ROCK1: variants seen among roughly 807,000 people sequenced by gnomAD.
The protein encoded by ROCK1 is Rho associated coiled-coil containing protein kinase 1, also known as rho-associated protein kinase 1.
Under a neutral mutation model 196.8 loss-of-function variants are expected in ROCK1, and 36 were observed. That is an observed-to-expected ratio of 0.18 (90% confidence interval 0.14 to 0.24). The LOEUF is 0.24. Among genes scored for constraint, ROCK1 ranks in the 10% least tolerant of loss-of-function variants. The pLI is 1.00. For missense variants in ROCK1, 920 were observed against 1,562.0 expected (o/e 0.59, Z 6.93); for synonymous variants, 443 against 515.9 (o/e 0.86, Z 1.91).
chr18:21,044,513 T>TA (rs1276736248), intron 5 of ROCK1, among the ~76,000 whole-genome samples: 3 of 151,938 alleles, frequency 2.0e-5, no homozygotes, highest in Admixed American at 2.0e-4. Flanking sequence ...GGTAAGTACA[T>TA]AAAAAAACCC....
chr18:21,072,846 G>A (rs554843013), intron 1 of ROCK1, among the ~76,000 whole-genome samples: 62 of 152,100 alleles, frequency 4.1e-4, no homozygotes, highest in African/African-American at 1.4e-3. Flanking sequence ...CGAGGCAGGC[G>A]TACTGCCTGA....
chr18:21,023,894 C>T (rs2035935419), intron 10 of ROCK1, among the ~76,000 whole-genome samples: 1 of 152,020 alleles, frequency 6.6e-6, no homozygotes, highest in South Asian at 2.1e-4. Flanking sequence ...ATAGTAGCAG[C>T]CTGTAAACAT....
chr18:21,083,714 A>T lies in ROCK1; in HGVS notation c.94-13101T>A, dbSNP rs575714434. On this transcript the variant is annotated intron_variant, in intron 1 of 32. Coordinates refer to ENST00000399799, the MANE Select transcript of ROCK1 (RefSeq NM_005406.3). ...TAATATTTTCTTTTTGCTGGCTAAC[A>T]TTATGTAAGAATACAGTACATATAT... Among the ~76,000 whole-genome samples, 3 of 152,324 alleles carry T rather than the reference A, an allele frequency of 2.0e-5. No homozygotes were observed. The East Asian group carries it at 5.8e-4, about 29-fold the overall frequency.
intron 4 of ROCK1, among the ~76,000 whole-genome samples, chr18:21,046,118 G>A (rs190837): frequency 2.0e-5 from 3 of 151,928 alleles, no homozygotes; most frequent in African/African-American, 4.8e-5. Context: ...CACCGTGTTA[G>A]CCAGGATGGT....
intron 2 of ROCK1, among the ~76,000 whole-genome samples, chr18:21,061,194 T>C (rs2036287130): frequency 1.3e-5 from 2 of 151,890 alleles, no homozygotes; most frequent in East Asian, 3.9e-4. Flanking sequence ...TTCTCCTGCC[T>C]CAGCCTCCCA....
chr18:20,984,482 T>C lies in ROCK1; in HGVS notation c.2358A>G (p.Leu786=). ...LEQESNKRLL[L]QNELKTQAFE... ...ATGCTTGAGTCTTCAATTCATTTTG[T>C]AACAACAGCCGCTTATTTGATTCCT... The change falls in exon 20 of 33, where the codon TTA becomes TTG. Residue 786 remains leucine (L), a synonymous_variant. Transcript: ENST00000399799. 6.2e-7 allele frequency: 1 copy of C among 1,613,590 alleles called. No individual in the cohort carries two copies. The highest frequency in any genetic ancestry group is 1.3e-5 in the African/African-American group (1 of 75,038).
At chr18:20,970,063 A>T in intron 23 of ROCK1, 1 of 228,492 alleles carries the variant, frequency 4.4e-6, no homozygotes, top group Non-Finnish European at 8.5e-6. Flanking sequence ...CTAAGCCATT[A>T]CTTCATATGA....
At chr18:21,076,543 C>T (rs765092512) in intron 1 of ROCK1, among the ~76,000 whole-genome samples, 5 of 151,980 alleles carry the variant, frequency 3.3e-5, no homozygotes, top group East Asian at 1.9e-4. Flanking sequence ...TTTTATGATA[C>T]GTTTGTGTGT....
At chr18:21,023,564 T>G (rs545654456) in intron 11 of ROCK1, 56 bp downstream of exon 11, 60 of 957,934 alleles carry the variant, frequency 6.3e-5, no homozygotes, top group Non-Finnish European at 8.7e-5. Flanking sequence ...CCCACAAATA[T>G]ATTATCCACA....
chr18:21,075,527 T>C (rs1047871700), intron 1 of ROCK1, among the ~76,000 whole-genome samples: 33 of 152,186 alleles, frequency 2.2e-4, no homozygotes, highest in African/African-American at 7.7e-4. Flanking sequence ...AGATTGGGAC[T>C]ACAATACAGA....
Position 20,986,977 on chromosome 18 carries a change from A to C in ROCK1, c.2277T>G (p.Thr759=), listed in dbSNP as rs749300325. ...CATCCTCCATCCTTTCTTTATTTCC[A>C]GTCAAATGTTCTAGTTTCTGCTGAG... ...KQSQQKLEHL[T]GNKERMEDEV... Residue 759 remains threonine (T), a synonymous_variant, in exon 19 of 33, where the codon ACT becomes ACG. Transcript: ENST00000399799. The C allele has an allele frequency of 3.1e-5, 50 of 1,597,092 alleles. No individual in the cohort carries two copies. Among genetic ancestry groups the C allele is most frequent in the Non-Finnish European group, 3.9e-5 (46 of 1,175,144 alleles).
intron 10 of ROCK1, among the ~76,000 whole-genome samples, chr18:21,028,003 C>T (rs1257163184): frequency 6.2e-5 from 9 of 145,010 alleles, no homozygotes; most frequent in East Asian, 4.2e-4. Flanking sequence ...CCTCGTGATC[C>T]GCCCGCCTCG....
At position 21,006,454 on chromosome 18, in the gene ROCK1, A is replaced by ATTTCT; in HGVS notation, c.1781_1782insAGAAA (p.Asn594LysfsTer19). On this transcript the variant is annotated frameshift_variant, in exon 16 of 33. Coordinates refer to ENST00000399799, the MANE Select transcript of ROCK1 (RefSeq NM_005406.3). LOFTEE classifies it high-confidence loss of function. Reference sequence around the variant, plus strand: ...AATCTTTGTCTGTTTGTGACTTAGAATTCTCTAAAATTCGATTTCTCTCTT... The same window carrying ATTTCT: ...AATCTTTGTCTGTTTGTGACTTAGAATTTCTTTCTCTAAAATTCGATTTCTCTCTT... 6.2e-7 allele frequency: 1 copy of ATTTCT among 1,613,758 alleles called. No homozygotes were observed. Among genetic ancestry groups the ATTTCT allele is most frequent in the Non-Finnish European group, 8.5e-7 (1 of 1,179,940 alleles).
At chr18:20,973,894 C>A (rs796582836) in intron 22 of ROCK1, among the ~76,000 whole-genome samples, 5 of 151,264 alleles carry the variant, frequency 3.3e-5, no homozygotes, top group African/African-American at 1.2e-4. Flanking sequence ...CATTCTCCTG[C>A]CTCAGCCTCC....
intron 1 of ROCK1, among the ~76,000 whole-genome samples, chr18:21,102,991 A>G (rs1182993889): frequency 1.3e-5 from 2 of 152,202 alleles, no homozygotes; most frequent in East Asian, 3.8e-4. Flanking sequence ...ATATAACACA[A>G]GTATAAGATA....
chr18:21,081,194 C>G (rs1466226586), intron 1 of ROCK1, among the ~76,000 whole-genome samples: 1 of 151,892 alleles, frequency 6.6e-6, no homozygotes, highest in Non-Finnish European at 1.5e-5. Context: ...TGGAATGAAA[C>G]TACTAAACAA....
chr18:21,024,299 T>C (rs1411472391), intron 10 of ROCK1, among the ~76,000 whole-genome samples: 2 of 151,318 alleles, frequency 1.3e-5, no homozygotes, highest in African/African-American at 4.9e-5. Flanking sequence ...AAAGTTAGAA[T>C]TGTATATAAA....
chr18:21,103,973 ATCT>A (rs1347456673), intron 1 of ROCK1, among the ~76,000 whole-genome samples: 1 of 152,176 alleles, frequency 6.6e-6, no homozygotes, highest in Admixed American at 6.5e-5. Flanking sequence ...CTACCTGTTC[ATCT>A]TCTTGAACAC....
chr18:21,042,723 C>T lies in ROCK1; in HGVS notation c.676-14G>A. On this transcript the variant is annotated splice_polypyrimidine_tract_variant and intron_variant, in intron 6 of 32. Coordinates refer to ENST00000399799, the MANE Select transcript of ROCK1 (RefSeq NM_005406.3). ...TACCATGCCTTCCTAAAAAGCGCGG[C>T]AGGTCAAATTTTGAATTAGGATATA... is the stretch of plus-strand genomic sequence containing the variant. 5.7e-6 allele frequency: 9 copies of T among 1,580,948 alleles called. No homozygotes were observed. The highest frequency in any genetic ancestry group is 6.9e-6 in the Non-Finnish European group (8 of 1,164,884).
Sources: allele counts gnomAD v4.1 joint callset (sites outside exome capture counted in the v4.1 genomes callset), GRCh38; gene constraint gnomAD v4.1.1; transcripts MANE v1.5; gene names NCBI Gene and HGNC (gene_info 2026-07-23, HGNC 2026-07-21).